The following EPB41L2 variants were observed in gnomAD, a reference collection of about 807,000 sequenced individuals.
The protein encoded by EPB41L2 is band 4.1-like protein 2.
In EPB41L2, 43 loss-of-function variants were observed where a neutral mutation model predicts 113.0. The ratio of observed to expected loss-of-function variants is 0.38; its 90% CI spans 0.30 to 0.49. The LOEUF is 0.49. Ranked by LOEUF, EPB41L2 falls within the 20% of genes least tolerant of loss-of-function variation. The probability of loss-of-function intolerance (pLI) is 0.95; values close to 1 mark genes in which losing one functional copy is unlikely to be tolerated. For missense variants in EPB41L2, 1,147 were observed against 1,223.4 expected, an observed-to-expected ratio of 0.94 and a Z score of 0.93; for synonymous variants, 442 against 436.7, an observed-to-expected ratio of 1.01 and a Z score of -0.15.
At chr6:130,878,038 A>G in intron 14 of EPB41L2, 66 bp downstream of exon 14, 1 of 1,470,942 alleles carries the variant, frequency 6.8e-7, no homozygotes, top group East Asian at 2.5e-5. Flanking sequence ...CAACATAGAG[A>G]TTAACAATTT....
chr6:130,867,741 AAAG>A, intron 15 of EPB41L2, 160 bp from the exon 16 acceptor site: 1 of 932,816 alleles, frequency 1.1e-6, no homozygotes, highest in Non-Finnish European at 1.6e-6. Flanking sequence ...AAAAGAAATA[AAAG>A]AAAAATTTTC....
chr6:130,884,962 T>C, intron 12 of EPB41L2, 134 bp downstream of exon 12: 1 of 1,022,734 alleles, frequency 9.8e-7, no homozygotes, highest in Non-Finnish European at 1.4e-6. Context: ...TATGCATATT[T>C]GAAAACATAA....
At chr6:130,970,191 T>C (rs1271742240) in intron 1 of EPB41L2, 1 of 152,060 alleles carries the variant, frequency 6.6e-6, no homozygotes, top group Non-Finnish European at 1.5e-5. Flanking sequence ...ATAGCAAACT[T>C]CCTCCACAAG....
chr6:130,956,862 A>T (rs1249726928), intron 1 of EPB41L2, among the ~76,000 whole-genome samples: 1 of 152,246 alleles, frequency 6.6e-6, no homozygotes, highest in East Asian at 1.9e-4. Context: ...AAGAAAAATT[A>T]CTTTTATCTG....
intron 1 of EPB41L2, among the ~76,000 whole-genome samples, chr6:130,992,256 G>A (rs984064454): frequency 6.6e-6 from 1 of 152,152 alleles, no homozygotes; most frequent in Non-Finnish European, 1.5e-5. Flanking sequence ...AAATGGTTCA[G>A]TATGAAAAAT....
intron 11 of EPB41L2, among the ~76,000 whole-genome samples, chr6:130,885,990 T>A (rs1351893633): frequency 2.6e-5 from 4 of 152,124 alleles, no homozygotes; most frequent in African/African-American, 9.7e-5. Flanking sequence ...ATAGTGCAGA[T>A]CAAACCAAGA....
chr6:130,857,430 T>C (rs1259859082), intron 19 of EPB41L2, among the ~76,000 whole-genome samples: 1 of 152,170 alleles, frequency 6.6e-6, no homozygotes, highest in Non-Finnish European at 1.5e-5. Flanking sequence ...GCCAAGCACA[T>C]TAAACTTAAT....
chr6:130,923,928 G>C (rs1333942520), intron 4 of EPB41L2, among the ~76,000 whole-genome samples: 2 of 152,074 alleles, frequency 1.3e-5, no homozygotes, highest in African/African-American at 4.8e-5. Context: ...CAGAGCTCTA[G>C]AACTTTTACA....
intron 19 of EPB41L2, among the ~76,000 whole-genome samples, chr6:130,850,064 C>A (rs184780163): frequency 1.3e-5 from 2 of 152,218 alleles, no homozygotes; most frequent in African/African-American, 2.4e-5. Flanking sequence ...ATAGGGAAAC[C>A]CCGTCTCTAC....
intron 19 of EPB41L2, among the ~76,000 whole-genome samples, chr6:130,845,491 C>T (rs943667836): frequency 1.1e-4 from 16 of 152,256 alleles, no homozygotes; most frequent in African/African-American, 3.4e-4. Flanking sequence ...GATCCTCCTG[C>T]CTCAGCCTCC....
intron 1 of EPB41L2, among the ~76,000 whole-genome samples, chr6:130,994,459 G>T (rs1471753661): frequency 6.6e-6 from 1 of 152,144 alleles, no homozygotes; most frequent in South Asian, 2.1e-4. Context: ...TGACACATAG[G>T]CTAGATAGAA....
chr6:131,062,872 G>A (rs1798984353), intron 1 of EPB41L2, among the ~76,000 whole-genome samples: 1 of 152,098 alleles, frequency 6.6e-6, no homozygotes, highest in South Asian at 2.1e-4. Context: ...GGGGAGCAGC[G>A]AAGCCGGGAT....
chr6:131,004,276 C>T (rs1178542328), intron 1 of EPB41L2, among the ~76,000 whole-genome samples: 3 of 151,988 alleles, frequency 2.0e-5, no homozygotes, highest in African/African-American at 4.8e-5. Context: ...GGAGTAAGAC[C>T]GACAGGGAAT....
chr6:130,878,097 G>A lies in EPB41L2; in HGVS notation c.2043+7C>T, dbSNP rs1465816878. On this transcript the variant is annotated splice_region_variant and intron_variant, in intron 14 of 19. Coordinates refer to ENST00000337057, the MANE Select transcript of EPB41L2 (RefSeq NM_001431.4). ...GAGACAGAGCCAACAAATAGCTAAT[G>A]ACATACCCCTTGTGTCTGTAGGGAC... 5 of 1,595,506 alleles carry A rather than the reference G, an allele frequency of 3.1e-6. No individual in the cohort carries two copies. The highest frequency in any genetic ancestry group is 2.3e-5 in the East Asian group (1 of 44,034).
At chr6:130,928,050 G>T (rs375693872) in intron 3 of EPB41L2, among the ~76,000 whole-genome samples, 1 of 152,100 alleles carries the variant, frequency 6.6e-6, no homozygotes, top group South Asian at 2.1e-4. Context: ...CTGTGTTCAC[G>T]CCACTGCAAT....
intron 1 of EPB41L2, among the ~76,000 whole-genome samples, chr6:131,031,322 G>C (rs755324971): frequency 2.0e-5 from 3 of 151,900 alleles, no homozygotes; most frequent in Non-Finnish European, 2.9e-5. Flanking sequence ...AGCCATAATA[G>C]AGTAAGCTAT....
At chr6:130,897,112 C>G (rs554195859) in intron 8 of EPB41L2, among the ~76,000 whole-genome samples, 10 of 152,118 alleles carry the variant, frequency 6.6e-5, no homozygotes, top group Non-Finnish European at 1.2e-4. Context: ...CCTGGGGCTA[C>G]CACGGGTGTC....
chr6:130,999,478 C>G (rs754342672), intron 1 of EPB41L2, among the ~76,000 whole-genome samples: 6 of 152,170 alleles, frequency 3.9e-5, no homozygotes, highest in Non-Finnish European at 8.8e-5. Flanking sequence ...TTAAGTCAAA[C>G]AGCACTCTAC....
chr6:131,017,254 C>T (rs1788448691), intron 1 of EPB41L2, among the ~76,000 whole-genome samples: 1 of 152,154 alleles, frequency 6.6e-6, no homozygotes, highest in South Asian at 2.1e-4. Flanking sequence ...GGACTAGGAG[C>T]AGCTCAGTGG....
Sources: gnomAD v4.1 joint callset for allele counts (sites outside exome capture counted in the v4.1 genomes callset) on GRCh38, gnomAD v4.1.1 for gene constraint, MANE v1.5 for transcripts, NCBI Gene and HGNC (gene_info 2026-07-23, HGNC 2026-07-21) for gene names.